Variants in PPP2R5E observed in about 807,000 individuals in gnomAD.
PPP2R5E encodes protein phosphatase 2 regulatory subunit B'epsilon.
A neutral mutation model predicts 65.3 loss-of-function variants in PPP2R5E; 4 were observed. The ratio of observed to expected loss-of-function variants is 0.06; its 90% CI spans 0.03 to 0.14. PPP2R5E has a LOEUF of 0.14. Ranked by LOEUF, PPP2R5E falls within the 10% of genes least tolerant of loss-of-function variation. PPP2R5E has a pLI of 1.00. For synonymous variants in PPP2R5E, 183 were observed against 187.4 expected, an observed-to-expected ratio of 0.98 and a Z score of 0.19; for missense variants, 274 against 556.1, an observed-to-expected ratio of 0.49 and a Z score of 5.10.
chr14:63,526,190 A>G (rs915545907), intron 2 of PPP2R5E, among the ~76,000 whole-genome samples: 2 of 152,156 alleles, frequency 1.3e-5, no homozygotes, highest in Non-Finnish European at 2.9e-5. Context: ...TTCAAAATAA[A>G]ATGCTGCAAA....
intron 2 of PPP2R5E, among the ~76,000 whole-genome samples, chr14:63,476,559 A>C (rs988716305): frequency 1.3e-5 from 2 of 152,150 alleles, no homozygotes; most frequent in Non-Finnish European, 2.9e-5. Context: ...CAATCAGTTC[A>C]AATATCACAT....
chr14:63,511,037 TG>T (rs1892432347), intron 2 of PPP2R5E, among the ~76,000 whole-genome samples: 1 of 152,238 alleles, frequency 6.6e-6, no homozygotes, highest in African/African-American at 2.4e-5. Context: ...AGTACATTTA[TG>T]GCAGATTGCA....
At chr14:63,438,076 C>A (rs539668796) in intron 3 of PPP2R5E, among the ~76,000 whole-genome samples, 4 of 152,214 alleles carry the variant, frequency 2.6e-5, no homozygotes, top group Non-Finnish European at 5.9e-5. Flanking sequence ...TGTTTTCCTA[C>A]AGATCAAGTT....
intron 2 of PPP2R5E, among the ~76,000 whole-genome samples, chr14:63,473,049 G>A (rs1358964564): frequency 1.3e-5 from 2 of 152,170 alleles, no homozygotes; most frequent in African/African-American, 4.8e-5. Flanking sequence ...ATACCAGAAG[G>A]TAAGAAACAA....
At position 63,393,765 on chromosome 14, in the gene PPP2R5E, G is replaced by A. The variant is rs545863366; in HGVS notation, c.849+55C>T. ...AAGGTTATATCAATATCAAAAAAACGAGTTTGCAAACTTTTTATTTTGCTT... is the reference window on the plus strand; with the variant it reads ...AAGGTTATATCAATATCAAAAAAACAAGTTTGCAAACTTTTTATTTTGCTT... On this transcript the variant is annotated intron_variant, in intron 8 of 13. Coordinates refer to ENST00000337537, the MANE Select transcript of PPP2R5E (RefSeq NM_006246.5). 8.0e-6 allele frequency: 10 copies of A among 1,248,714 alleles called. No homozygotes were observed. In the Admixed American group the frequency reaches 8.4e-5, roughly 10 times the overall value. 77.4% of individuals were successfully genotyped at this position (1,248,714 alleles called of 1,614,324 possible). A position where few individuals can be genotyped will look rare whatever the true frequency, so the allele number is the denominator to read the frequency against.
rs1176789156 is a variant in PPP2R5E, at chr14:63,499,493, G to C, written c.157+40036C>G. On this transcript the variant is annotated intron_variant, in intron 2 of 13. Coordinates refer to ENST00000337537, the MANE Select transcript of PPP2R5E (RefSeq NM_006246.5). ...TAATCCCAGCACTTTGGGAGGCCGA[G>C]GTGGGTGGATCACCTGAAGTCAGGA... 3.9e-5 allele frequency among the ~76,000 whole-genome samples: 6 copies of C among 152,206 alleles called. No homozygotes were observed. In the East Asian group the frequency reaches 1.2e-3, roughly 29 times the overall value.
At chr14:63,402,113 ACT>A (rs1350984116) in intron 5 of PPP2R5E, among the ~76,000 whole-genome samples, 1 of 152,070 alleles carries the variant, frequency 6.6e-6, no homozygotes, top group Non-Finnish European at 1.5e-5. Flanking sequence ...ATGAAATAAA[ACT>A]CTGCATACCT....
At chr14:63,465,192 C>T (rs1448471712) in intron 2 of PPP2R5E, among the ~76,000 whole-genome samples, 1 of 152,000 alleles carries the variant, frequency 6.6e-6, no homozygotes, top group Non-Finnish European at 1.5e-5. Context: ...TGTATGGAAT[C>T]AATTTCCTAT....
At chr14:63,537,158 T>A (rs1407859829) in intron 2 of PPP2R5E, among the ~76,000 whole-genome samples, 1 of 152,036 alleles carries the variant, frequency 6.6e-6, no homozygotes, top group Non-Finnish European at 1.5e-5. Context: ...TGACTATGAG[T>A]GGTCAGTGAA....
chr14:63,514,919 C>T (rs1446124535), intron 2 of PPP2R5E, among the ~76,000 whole-genome samples: 1 of 152,192 alleles, frequency 6.6e-6, no homozygotes, highest in Non-Finnish European at 1.5e-5. Flanking sequence ...GGTCATCTGT[C>T]CAAAGTCACT....
In PPP2R5E at chr14:63,422,587, G is replaced by A. The variant is rs61161605; in HGVS notation, c.355-493C>T. On this transcript the variant is annotated intron_variant, in intron 3 of 13. Coordinates refer to ENST00000337537, the MANE Select transcript of PPP2R5E (RefSeq NM_006246.5). Reference sequence around the variant, plus strand: ...TAAAAACACAAAAAATTAGCCGGGCGAGGTGGCAGGCACCTGTAGTCCCAG... The same window carrying A: ...TAAAAACACAAAAAATTAGCCGGGCAAGGTGGCAGGCACCTGTAGTCCCAG... Among the ~76,000 whole-genome samples, 482 of 152,176 alleles carry A rather than the reference G, an allele frequency of 3.2e-3. 2 individuals carry two copies. The highest frequency in any genetic ancestry group is 0.011 in the African/African-American group (453 of 41,544).
At chr14:63,486,327 C>CACACACACACAT (rs1204641238) in intron 2 of PPP2R5E, among the ~76,000 whole-genome samples, 11 of 149,096 alleles carry the variant, frequency 7.4e-5, no homozygotes, top group African/African-American at 2.5e-4. Context: ...CACACACACA[C>CACACACACACAT]ATCCTTTAAA....
Position 63,489,053 on chromosome 14 carries a change from C to T in PPP2R5E, c.158-35168G>A, listed in dbSNP as rs191990459. Reference sequence around the variant, plus strand: ...GTTAACTGACTTATCCAAAATCACACAGATGGTTAACGACAGAACCAGAAT... The same window carrying T: ...GTTAACTGACTTATCCAAAATCACATAGATGGTTAACGACAGAACCAGAAT... On this transcript the variant is annotated intron_variant, in intron 2 of 13. Transcript: ENST00000337537. Among the ~76,000 whole-genome samples the T allele has an allele frequency of 4.6e-4, 70 of 152,134 alleles. 1 individual carries two copies. The highest frequency in any genetic ancestry group is 1.6e-3 in the African/African-American group (66 of 41,536).
intron 2 of PPP2R5E, among the ~76,000 whole-genome samples, chr14:63,480,404 C>T (rs1056775370): frequency 9.2e-5 from 14 of 151,932 alleles, no homozygotes; most frequent in African/African-American, 3.1e-4. Context: ...TGCAGTGAAC[C>T]GAGATCACAC....
intron 5 of PPP2R5E, among the ~76,000 whole-genome samples, chr14:63,405,740 T>A (rs1246849078): frequency 6.6e-6 from 1 of 152,166 alleles, no homozygotes; most frequent in Non-Finnish European, 1.5e-5. Flanking sequence ...GGTTGGGGGA[T>A]CATAAAGAAA....
chr14:63,477,399 T>C (rs556304543), intron 2 of PPP2R5E, among the ~76,000 whole-genome samples: 2 of 152,272 alleles, frequency 1.3e-5, no homozygotes, highest in South Asian at 4.1e-4. Context: ...AGCCAGGCAA[T>C]GTTCTATGTG....
At chr14:63,524,962 C>T (rs1022075907) in intron 2 of PPP2R5E, among the ~76,000 whole-genome samples, 4 of 152,240 alleles carry the variant, frequency 2.6e-5, no homozygotes, top group Non-Finnish European at 5.9e-5. Flanking sequence ...TTCTCACCTG[C>T]ACACATTTAT....
intron 5 of PPP2R5E, among the ~76,000 whole-genome samples, chr14:63,410,523 C>A (rs1274547737): frequency 2.6e-5 from 4 of 152,110 alleles, no homozygotes; most frequent in African/African-American, 9.7e-5. Flanking sequence ...CAGCATCAAT[C>A]CCTCAAGCCC....
At chr14:63,392,956 A>T (rs1885108379) in intron 8 of PPP2R5E, among the ~76,000 whole-genome samples, 1 of 152,188 alleles carries the variant, frequency 6.6e-6, no homozygotes, top group Non-Finnish European at 1.5e-5. Flanking sequence ...CAAAAATTAG[A>T]ATGGGGACAA....
Sources: allele counts gnomAD v4.1 joint callset (sites outside exome capture counted in the v4.1 genomes callset), GRCh38; gene constraint gnomAD v4.1.1; transcripts MANE v1.5; gene names NCBI Gene and HGNC (gene_info 2026-07-23, HGNC 2026-07-21).